The following TSHZ2 variants were observed in gnomAD, a reference collection of about 807,000 sequenced individuals.
TSHZ2 encodes teashirt homolog 2.
Under a neutral mutation model 74.4 loss-of-function variants are expected in TSHZ2, and 21 were observed. The ratio of observed to expected loss-of-function variants is 0.28; its 90% CI spans 0.20 to 0.41. The LOEUF is 0.41. Among genes scored for constraint, TSHZ2 ranks in the 10% least tolerant of loss-of-function variants. The pLI is 1.00. For missense variants in TSHZ2, 1,244 were observed against 1,293.5 expected, an observed-to-expected ratio of 0.96 and a Z score of 0.59; for synonymous variants, 540 against 515.3, an observed-to-expected ratio of 1.05 and a Z score of -0.65.
intron 1 of TSHZ2, among the ~76,000 whole-genome samples, chr20:53,020,352 T>A (rs1983197519): frequency 1.3e-5 from 2 of 152,230 alleles, no homozygotes; most frequent in Admixed American, 1.3e-4. Flanking sequence ...TTACTTAGCA[T>A]GGCATCCTTG....
chr20:53,023,444 T>C (rs1402721514), intron 1 of TSHZ2, among the ~76,000 whole-genome samples: 1 of 152,200 alleles, frequency 6.6e-6, no homozygotes, highest in Non-Finnish European at 1.5e-5. Context: ...TTCCTAGGTA[T>C]GTGGAATATT....
chr20:53,167,024 GC>G (rs1192783426), intron 1 of TSHZ2, among the ~76,000 whole-genome samples: 25 of 152,204 alleles, frequency 1.6e-4, no homozygotes, highest in African/African-American at 5.1e-4. Context: ...TGACCAGAAG[GC>G]TGAGTAGTCC....
At chr20:53,390,635 T>C (rs546702233) in intron 2 of TSHZ2, among the ~76,000 whole-genome samples, 1 of 152,320 alleles carries the variant, frequency 6.6e-6, no homozygotes, top group Admixed American at 6.5e-5. Flanking sequence ...AGTAGAATGA[T>C]TTGTAATCCT....
chr20:53,377,533 G>T (rs1981700786), intron 2 of TSHZ2, among the ~76,000 whole-genome samples: 1 of 152,150 alleles, frequency 6.6e-6, no homozygotes, highest in Non-Finnish European at 1.5e-5. Flanking sequence ...CTCTGTTACA[G>T]ATACACAACC....
At chr20:53,122,585 G>A (rs559402813) in intron 1 of TSHZ2, among the ~76,000 whole-genome samples, 2 of 152,274 alleles carry the variant, frequency 1.3e-5, no homozygotes, top group South Asian at 4.1e-4. Context: ...TTGGAGGGAA[G>A]AGGGGGCAGC....
Position 53,137,296 on chromosome 20 carries a change from C to CTTT in TSHZ2, c.41-116189_41-116187dup, listed in dbSNP as rs759993398. Among the ~76,000 whole-genome samples the CTTT allele has an allele frequency of 6.6e-4, 89 of 135,238 alleles. 2 individuals are homozygous for CTTT. Among genetic ancestry groups the CTTT allele is most frequent in the Admixed American group, 1.1e-3 (15 of 13,438 alleles). The allele number at this position is 135,238 out of a possible 152,430, so 88.7% of individuals were successfully genotyped here. A position where few individuals can be genotyped will look rare whatever the true frequency, so the allele number is the denominator to read the frequency against. Reference sequence around the variant, plus strand: ...ACAGATGGATAATATATTCGTGTTTCTTTTTTTTTTTTTTTTCATTCTAAA... The same window carrying CTTT: ...ACAGATGGATAATATATTCGTGTTTCTTTTTTTTTTTTTTTTTTTCATTCTAAA... On this transcript the variant is annotated intron_variant, in intron 1 of 2. Coordinates refer to ENST00000371497, the MANE Select transcript of TSHZ2 (RefSeq NM_173485.6).
chr20:53,229,802 A>G (rs1568824450), intron 1 of TSHZ2, among the ~76,000 whole-genome samples: 1 of 146,458 alleles, frequency 6.8e-6, no homozygotes, highest in Non-Finnish European at 1.5e-5. Context: ...GGGAGGGAGG[A>G]AGGAAGGAAG....
intron 2 of TSHZ2, among the ~76,000 whole-genome samples, chr20:53,385,996 C>T (rs1982030703): frequency 2.0e-5 from 3 of 152,228 alleles, no homozygotes; most frequent in Non-Finnish European, 4.4e-5. Flanking sequence ...ACCGCACCTT[C>T]ATTTTTAAGA....
intron 2 of TSHZ2, among the ~76,000 whole-genome samples, chr20:53,290,780 A>C (rs1233306008): frequency 6.6e-6 from 1 of 152,212 alleles, no homozygotes; most frequent in Non-Finnish European, 1.5e-5. Flanking sequence ...GTCCACTCTC[A>C]AAAGTTCTAT....
At chr20:53,004,032 G>A (rs1982543426) in intron 1 of TSHZ2, among the ~76,000 whole-genome samples, 1 of 151,934 alleles carries the variant, frequency 6.6e-6, no homozygotes, top group African/African-American at 2.4e-5. Context: ...TTTCATCACT[G>A]CCAAATGAAA....
chr20:53,420,030 A>G (rs1473766512), intron 2 of TSHZ2, among the ~76,000 whole-genome samples: 1 of 152,234 alleles, frequency 6.6e-6, no homozygotes, highest in African/African-American at 2.4e-5. Context: ...TGTTCAACTA[A>G]CCTTCACTAA....
intron 1 of TSHZ2, among the ~76,000 whole-genome samples, chr20:53,104,788 T>A (rs1363088919): frequency 6.6e-6 from 1 of 152,176 alleles, no homozygotes; most frequent in Non-Finnish European, 1.5e-5. Flanking sequence ...ATCCTTCTGT[T>A]TTAAAGTAAC....
chr20:53,050,148 T>TAC (rs1984400320), intron 1 of TSHZ2, among the ~76,000 whole-genome samples: 1 of 88,146 alleles, frequency 1.1e-5, no homozygotes, highest in South Asian at 4.3e-4. Flanking sequence ...TGTGTATATA[T>TAC]ATATACACAT....
intron 1 of TSHZ2, among the ~76,000 whole-genome samples, chr20:53,193,047 C>T (rs776679012): frequency 2.6e-5 from 4 of 152,020 alleles, no homozygotes; most frequent in African/African-American, 4.8e-5. Context: ...ATCCACTCTA[C>T]TTGTCCATAG....
chr20:53,190,354 A>G (rs1988708569), intron 1 of TSHZ2, among the ~76,000 whole-genome samples: 1 of 151,408 alleles, frequency 6.6e-6, no homozygotes, highest in Non-Finnish European at 1.5e-5. Context: ...CACAGCCCCC[A>G]TTAATGACTT....
At chr20:53,173,428 GA>G (rs755432471) in intron 1 of TSHZ2, among the ~76,000 whole-genome samples, 33 of 152,118 alleles carry the variant, frequency 2.2e-4, no homozygotes, top group African/African-American at 7.7e-4. Flanking sequence ...TCAACATGGT[GA>G]AACCCCGTCT....
intron 1 of TSHZ2, among the ~76,000 whole-genome samples, chr20:53,083,094 AT>A (rs1365076319): frequency 6.6e-6 from 1 of 152,232 alleles, no homozygotes; most frequent in East Asian, 1.9e-4. Context: ...TGTGTATAAA[AT>A]GAACAGATTG....
At chr20:53,162,190 A>G (rs551451532) in intron 1 of TSHZ2, among the ~76,000 whole-genome samples, 1 of 152,314 alleles carries the variant, frequency 6.6e-6, no homozygotes, top group African/African-American at 2.4e-5. Context: ...TATAAATAAA[A>G]GAGACTCGCC....
chr20:53,282,024 T>C (rs1991070792), intron 2 of TSHZ2, among the ~76,000 whole-genome samples: 1 of 152,208 alleles, frequency 6.6e-6, no homozygotes, highest in Admixed American at 6.5e-5. Flanking sequence ...AAGCCAGACG[T>C]GGGCACAAGG....
Sources: allele counts gnomAD v4.1 joint callset (sites outside exome capture counted in the v4.1 genomes callset), GRCh38; gene constraint gnomAD v4.1.1; transcripts MANE v1.5; gene names NCBI Gene and HGNC (gene_info 2026-07-23, HGNC 2026-07-21).